RAB11FIP3: variants seen among roughly 807,000 people sequenced by gnomAD.
The protein encoded by RAB11FIP3 is RAB11 family interacting protein 3.
RAB11FIP3 carries 17 observed loss-of-function variants against 77.8 expected under a neutral mutation model. The ratio of observed to expected loss-of-function variants is 0.22; its 90% CI spans 0.15 to 0.33. The LOEUF is 0.33. RAB11FIP3 is among the 10% of genes least tolerant of loss of function. RAB11FIP3 has a pLI of 1.00. For missense variants in RAB11FIP3, 1,005 were observed against 1,011.2 expected, an observed-to-expected ratio of 0.99 and a Z score of 0.08; for synonymous variants, 437 against 448.2, an observed-to-expected ratio of 0.98 and a Z score of 0.31.
At position 498,936 on chromosome 16, in the gene RAB11FIP3, C is replaced by T. The variant is rs535377623; in HGVS notation, c.1301+2077C>T. Among the ~76,000 whole-genome samples, 16 of 150,826 alleles carry T rather than the reference C, an allele frequency of 1.1e-4. 1 individual carries two copies. Among genetic ancestry groups the T allele is most frequent in the Admixed American group, 7.2e-4 (11 of 15,206 alleles). ...TCAGAAAAGCATTGAGCTGGCCGGG[C>T]GTAGTAGGTCACGCCTGTAATCCCA... On this transcript the variant is annotated intron_variant, in intron 6 of 13. Transcript: ENST00000262305.
At chr16:446,735 G>A (rs186638825) in intron 1 of RAB11FIP3, among the ~76,000 whole-genome samples, 1 of 151,166 alleles carries the variant, frequency 6.6e-6, no homozygotes, top group East Asian at 1.9e-4. Context: ...TCGCTCTGTC[G>A]CCCAGGCTGG....
intron 1 of RAB11FIP3, among the ~76,000 whole-genome samples, chr16:443,628 C>T (rs1481643107): frequency 9.2e-5 from 14 of 152,270 alleles, no homozygotes; most frequent in Admixed American, 3.3e-4. Context: ...TGCAGTGGCG[C>T]GATCTTGGCT....
chr16:456,293 T>C (rs943285061), intron 1 of RAB11FIP3, among the ~76,000 whole-genome samples: 1 of 150,996 alleles, frequency 6.6e-6, no homozygotes, highest in African/African-American at 2.4e-5. Context: ...CTACCAAAAA[T>C]ACAAAAATGA....
intron 3 of RAB11FIP3, chr16:474,769 C>G: frequency 7.4e-7 from 1 of 1,359,592 alleles, no homozygotes; most frequent in East Asian, 2.7e-5. Flanking sequence ...TCAGCCCTGA[C>G]TGACTAACCG....
chr16:492,430 G>GA (rs1396576456), intron 5 of RAB11FIP3, among the ~76,000 whole-genome samples: 1 of 142,528 alleles, frequency 7.0e-6, no homozygotes. Flanking sequence ...GCCCTCCCCG[G>GA]GAGACCCGAG....
At chr16:434,361 T>A (rs941446125) in intron 1 of RAB11FIP3, among the ~76,000 whole-genome samples, 1 of 152,174 alleles carries the variant, frequency 6.6e-6, no homozygotes, top group East Asian at 1.9e-4. Flanking sequence ...TGACCTCAAG[T>A]GATCTGCGTG....
At position 522,245 on chromosome 16, in the gene RAB11FIP3, A is replaced by AATATATATATATAT. The variant is rs57161308; in HGVS notation, c.*1421_*1434dup. ...AAGAGAAAACTGTGTATACACATGA[A>AATATATATATATAT]ATATATATATATATATATATATATA... On this transcript the variant is annotated 3_prime_UTR_variant, in exon 14 of 14. Transcript: ENST00000262305. The AATATATATATATAT allele has an allele frequency of 1.5e-5, 2 of 134,678 alleles. No individual in the cohort carries two copies. The highest frequency in any genetic ancestry group is 2.2e-4 in the East Asian group (1 of 4,546). 8.3% of individuals were successfully genotyped at this position (134,678 alleles called of 1,614,324 possible).
At chr16:511,294 G>A (rs1286862270) in intron 9 of RAB11FIP3, among the ~76,000 whole-genome samples, 1 of 130,022 alleles carries the variant, frequency 7.7e-6, no homozygotes, top group African/African-American at 3.0e-5. Context: ...GGTAGGAGAG[G>A]TTCTTGACAG....
rs1056239883 is a variant in RAB11FIP3 at position 441,877 on chromosome 16, C to T, written c.714+15157C>T. Among the ~76,000 whole-genome samples the T allele has an allele frequency of 4.6e-5, 7 of 152,350 alleles. No homozygotes were observed. In the South Asian group the frequency reaches 1.0e-3, roughly 23 times the overall value. ...GTTTTGAGACGGAGTCTCGCTCTCTCGTCCAGGCTGGAGTGCAGTGGCACC... is the reference window on the plus strand; with the variant it reads ...GTTTTGAGACGGAGTCTCGCTCTCTTGTCCAGGCTGGAGTGCAGTGGCACC... On this transcript the variant is annotated intron_variant, in intron 1 of 13. Coordinates refer to ENST00000262305, the MANE Select transcript of RAB11FIP3 (RefSeq NM_014700.4).
chr16:427,206 A>G lies in RAB11FIP3; in HGVS notation c.714+486A>G, dbSNP rs371691632. Reference sequence around the variant, plus strand: ...CTGATAGACACCTATTTTGAGTACAATTACTTTACTGTGTGTGGTTGACAT... The same window carrying G: ...CTGATAGACACCTATTTTGAGTACAGTTACTTTACTGTGTGTGGTTGACAT... On this transcript the variant is annotated intron_variant, in intron 1 of 13. Transcript: ENST00000262305. 3.0e-4 allele frequency among the ~76,000 whole-genome samples: 46 copies of G among 152,312 alleles called. 1 individual carries two copies. The East Asian group carries it at 4.6e-3, about 15-fold the overall frequency.
At position 482,596 on chromosome 16, in the gene RAB11FIP3, C is replaced by T. The variant is rs184050293; in HGVS notation, c.975C>T (p.Asp325=). 4.0e-5 allele frequency: 65 copies of T among 1,613,614 alleles called. No homozygotes were observed. The highest frequency in any genetic ancestry group is 1.9e-4 in the African/African-American group (14 of 75,058). The change falls in exon 4 of 14, where the codon GAC becomes GAT. Residue 325 remains aspartate, a synonymous_variant. Transcript: ENST00000262305. ...STYSECETFT[D]EDTSTLVHPE... ...ACAGTGAGTGTGAGACCTTCACGGA[C>T]GAGGACACCAGCACCCTGGTGCACC...
At chr16:487,034 C>T (rs1266570629) in intron 4 of RAB11FIP3, among the ~76,000 whole-genome samples, 2 of 152,060 alleles carry the variant, frequency 1.3e-5, no homozygotes, top group Non-Finnish European at 2.9e-5. Context: ...CTCCCTGTCA[C>T]TGTGTAGGAA....
rs1360096946 is a variant in RAB11FIP3, at chr16:425,678, C to T, written c.-329C>T. On this transcript the variant is annotated 5_prime_UTR_variant, in exon 1 of 14. Transcript: ENST00000262305. ...TCCTTAGTCTCCTCATCCTGCTTCACAGGCTCCGCGGCCTCCGGCCTCCTC... is the reference window on the plus strand; with the variant it reads ...TCCTTAGTCTCCTCATCCTGCTTCATAGGCTCCGCGGCCTCCGGCCTCCTC... 2 of 251,520 alleles carry T rather than the reference C, an allele frequency of 8.0e-6. No homozygotes were observed. Among genetic ancestry groups the T allele is most frequent in the African/African-American group, 4.6e-5 (2 of 43,652 alleles). The allele number at this position is 251,520 out of a possible 1,614,324, so 15.6% of individuals were successfully genotyped here.
chr16:511,496 C>T (rs1379039340), intron 9 of RAB11FIP3, among the ~76,000 whole-genome samples: 8 of 116,134 alleles, frequency 6.9e-5, no homozygotes, highest in Non-Finnish European at 1.0e-4. Context: ...AGTTCCCCGA[C>T]GGCCCGCCAA....
intron 1 of RAB11FIP3, among the ~76,000 whole-genome samples, chr16:446,007 G>A (rs2055310732): frequency 6.6e-6 from 1 of 152,236 alleles, no homozygotes; most frequent in Non-Finnish European, 1.5e-5. Flanking sequence ...AGAGACGAGG[G>A]TGCATCATAG....
chr16:519,028 A>G lies in RAB11FIP3; in HGVS notation c.1722+4A>G. The G allele has an allele frequency of 6.2e-7, 1 of 1,613,026 alleles. No homozygotes were observed. The highest frequency in any genetic ancestry group is 8.5e-7 in the Non-Finnish European group (1 of 1,179,916). On this transcript the variant is annotated splice_donor_region_variant and intron_variant, in intron 10 of 13. Transcript: ENST00000262305. The stretch of plus-strand genomic sequence containing the variant: ...CAACATTGAGCGTCTGGAGGAGGTG[A>G]GCTGCCAACAGCCTGGAGCTGTGGC...
At chr16:466,803 C>T (rs1322287179) in intron 2 of RAB11FIP3, among the ~76,000 whole-genome samples, 4 of 152,202 alleles carry the variant, frequency 2.6e-5, no homozygotes, top group Admixed American at 2.6e-4. Context: ...AGCTGGGGCA[C>T]CCCGTTCTCC....
intron 1 of RAB11FIP3, among the ~76,000 whole-genome samples, chr16:430,951 A>T (rs997136298): frequency 6.6e-6 from 1 of 152,182 alleles, no homozygotes; most frequent in Non-Finnish European, 1.5e-5. Context: ...CAGCCTCTCA[A>T]AGTTCTGGGA....
chr16:501,670 C>T (rs1427629766), intron 6 of RAB11FIP3, among the ~76,000 whole-genome samples: 1 of 112,096 alleles, frequency 8.9e-6, no homozygotes, highest in Non-Finnish European at 1.8e-5. Flanking sequence ...TTCAGAGAGG[C>T]TCCCCCCATT....
Sources: allele counts gnomAD v4.1 joint callset (sites outside exome capture counted in the v4.1 genomes callset), GRCh38; gene constraint gnomAD v4.1.1; transcripts MANE v1.5; gene names NCBI Gene and HGNC (gene_info 2026-07-23, HGNC 2026-07-21).